Variants in DMTN observed in about 807,000 individuals in gnomAD.
DMTN encodes the protein dematin actin binding protein.
DMTN carries 27 observed loss-of-function variants against 59.4 expected under a neutral mutation model. The ratio of observed to expected loss-of-function variants is 0.45; its 90% CI spans 0.33 to 0.63. DMTN has a LOEUF of 0.63. DMTN is among the 20% of genes least tolerant of loss of function. DMTN has a pLI of 0.02. For synonymous variants in DMTN, 221 were observed against 203.7 expected (o/e 1.08, Z -0.72); for missense variants, 451 against 528.9 (o/e 0.85, Z 1.45).
At chr8:22,050,857 T>C (rs1801282822), upstream of DMTN, among the ~76,000 whole-genome samples, 1 of 152,186 alleles carries the variant, frequency 6.6e-6, no homozygotes, top group Non-Finnish European at 1.5e-5. Flanking sequence ...GTCCAGGCAC[T>C]GCCATTCCCC....
chr8:22,071,376 G>A (rs1046520758), intron 8 of DMTN, among the ~76,000 whole-genome samples: 1 of 151,918 alleles, frequency 6.6e-6, no homozygotes. Flanking sequence ...GATTACAGGC[G>A]TGAGCCACCA....
At chr8:22,071,452 T>C (rs1435773867) in intron 8 of DMTN, among the ~76,000 whole-genome samples, 1 of 151,704 alleles carries the variant, frequency 6.6e-6, no homozygotes, top group East Asian at 1.9e-4. Context: ...TGGAGTGCAG[T>C]GGCGAGATCT....
intron 9 of DMTN, among the ~76,000 whole-genome samples, chr8:22,073,196 G>C (rs1467009714): frequency 6.6e-6 from 1 of 152,168 alleles, no homozygotes; most frequent in Non-Finnish European, 1.5e-5. Context: ...GGCTTTCAAG[G>C]GTGGCCAAAC....
upstream of DMTN, among the ~76,000 whole-genome samples, chr8:22,054,569 G>T (rs535804162): frequency 2.0e-5 from 3 of 152,144 alleles, no homozygotes; most frequent in African/African-American, 7.2e-5. Context: ...TCATTGTCCC[G>T]AGCTCCACAC....
At chr8:22,054,125 G>GACACACACACACACACACACAGAC (rs1161364821), upstream of DMTN, among the ~76,000 whole-genome samples, 5 of 119,876 alleles carry the variant, frequency 4.2e-5, no homozygotes, top group African/African-American at 1.8e-4. Flanking sequence ...CACACACACA[G>GACACACACACACACACACACAGAC]ACACACACAC....
At chr8:22,069,722 A>C (rs183408735) in intron 6 of DMTN, among the ~76,000 whole-genome samples, 159 bp from the exon 7 acceptor site, 1 of 152,196 alleles carries the variant, frequency 6.6e-6, no homozygotes, top group Admixed American at 6.5e-5. Context: ...AAATGTCCCA[A>C]ACCCCTGAGG....
chr8:22,053,389 CT>C (rs1262563140), upstream of DMTN, among the ~76,000 whole-genome samples: 1 of 152,136 alleles, frequency 6.6e-6, no homozygotes, highest in African/African-American at 2.4e-5. Flanking sequence ...AGAATGGTGG[CT>C]TTGGGGCCCT....
chr8:22,069,311 T>G, intron 5 of DMTN, 108 bp from the exon 6 acceptor site: 1 of 1,029,344 alleles, frequency 9.7e-7, no homozygotes, highest in South Asian at 1.5e-5. Context: ...TTTGGAGGGA[T>G]GCAGCCGGCC....
At chr8:22,066,441 G>A (rs1471508297) in intron 1 of DMTN, 2 of 153,628 alleles carry the variant, frequency 1.3e-5, no homozygotes, top group Non-Finnish European at 2.9e-5. Flanking sequence ...GGGGAGGGCA[G>A]GTGCGGCGGG....
intron 14 of DMTN, 43 bp downstream of exon 14, chr8:22,080,913 C>T: frequency 1.3e-6 from 2 of 1,531,224 alleles, no homozygotes; most frequent in South Asian, 2.6e-5. Context: ...GGGCGGGAGG[C>T]TGGGGAGATG....
Position 22,069,776 on chromosome 8 carries a change from GC to G in DMTN, c.395-103del, listed in dbSNP as rs1215493733. ...AGCCCTGTCTTGGCTCTTGACAGGG[GC>G]CAGTGAGTTCCCCACCTTGTCCCGT... On this transcript the variant is annotated intron_variant, in intron 6 of 15. Coordinates refer to ENST00000358242, the MANE Select transcript of DMTN (RefSeq NM_001387751.1). 6 of 1,338,560 alleles carry G rather than the reference GC, an allele frequency of 4.5e-6. No homozygotes were observed. The Admixed American group carries it at 1.0e-4, about 23-fold the overall frequency. The allele number at this position is 1,338,560 out of a possible 1,614,324, so 82.9% of individuals were successfully genotyped here.
chr8:22,052,486 T>C (rs1801452119), upstream of DMTN, among the ~76,000 whole-genome samples: 1 of 152,194 alleles, frequency 6.6e-6, no homozygotes, highest in African/African-American at 2.4e-5. Context: ...AAGCAGTTAG[T>C]CCCAGTGTTT....
At chr8:22,059,910 AAACTCGG>A (rs1409529409) in intron 1 of DMTN, among the ~76,000 whole-genome samples, 1 of 152,180 alleles carries the variant, frequency 6.6e-6, no homozygotes, top group Non-Finnish European at 1.5e-5. Flanking sequence ...GAGTGGGCAC[AAACTCGG>A]AGGGCCCAGT....
intron 3 of DMTN, 80 bp downstream of exon 3, chr8:22,067,239 C>T: frequency 6.9e-7 from 1 of 1,450,754 alleles, no homozygotes; most frequent in East Asian, 2.4e-5. Context: ...AGCGTGCCTT[C>T]CCGCAGAGCC....
rs979935063 is a variant in DMTN at position 22,058,551 on chromosome 8, C to T, written c.-172+1415C>T. ...CTAGGAGAAGATGGCTGCACAGATG[C>T]GTCTCTGGGTGGGCTAGAGAGGCAG... On this transcript the variant is annotated intron_variant, in intron 1 of 15. Coordinates refer to ENST00000358242, the MANE Select transcript of DMTN (RefSeq NM_001387751.1). The surrounding 1 kb of genome is among the most constrained non-coding windows in gnomAD (Gnocchi z 4.3). Among the ~76,000 whole-genome samples, 6 of 152,166 alleles carry T rather than the reference C, an allele frequency of 3.9e-5. No individual in the cohort carries two copies. The highest frequency in any genetic ancestry group is 8.8e-5 in the Non-Finnish European group (6 of 68,022).
chr8:22,069,661 A>C, intron 6 of DMTN, 143 bp downstream of exon 6: 1 of 881,588 alleles, frequency 1.1e-6, no homozygotes, highest in Non-Finnish European at 1.7e-6. Context: ...GACCCCTCCC[A>C]GAGATGGGAG....
chr8:22,079,302 T>TATATGTATATATATA (rs1491109949), intron 10 of DMTN, among the ~76,000 whole-genome samples: 41 of 15,522 alleles, frequency 2.6e-3, no homozygotes, highest in South Asian at 7.9e-3. Context: ...ATATATATAT[T>TATATGTATATATATA]AGCTGGGTTT....
At chr8:22,079,264 A>AC (rs1822170304) in intron 10 of DMTN, among the ~76,000 whole-genome samples, 1 of 34,740 alleles carries the variant, frequency 2.9e-5, no homozygotes, top group African/African-American at 1.0e-4. Context: ...AAAAATAAAT[A>AC]AATAAATAAA....
In DMTN at chr8:22,067,690, G is replaced by T. The variant is rs1422683172; in HGVS notation, c.249+8G>T. On this transcript the variant is annotated splice_region_variant and intron_variant, in intron 4 of 15. Transcript: ENST00000358242. The stretch of plus-strand genomic sequence containing the variant: ...CTGCCTCGCAGCCGCGAGGTGAGGG[G>T]GCTCCTCTTGGGCAGGACTCCGGGG... 1 of 1,613,262 alleles carries T rather than the reference G, an allele frequency of 6.2e-7. No homozygotes were observed. The highest frequency in any genetic ancestry group is 2.2e-5 in the East Asian group (1 of 44,856).
Sources: allele counts gnomAD v4.1 joint callset (sites outside exome capture counted in the v4.1 genomes callset), GRCh38; gene constraint gnomAD v4.1.1; non-coding constraint Gnocchi (gnomAD v3.1); transcripts MANE v1.5; gene names NCBI Gene and HGNC (gene_info 2026-07-23, HGNC 2026-07-21).